The following NHS variants were observed in gnomAD, a reference collection of about 807,000 sequenced individuals.
The protein encoded by NHS is actin remodeling regulator NHS.
In NHS, 5 loss-of-function variants were observed where a neutral mutation model predicts 72.5. The ratio of observed to expected loss-of-function variants is 0.07; its 90% CI spans 0.04 to 0.14. The LOEUF (loss-of-function observed/expected upper bound fraction) is 0.14. NHS is among the 10% of genes least tolerant of loss of function. The pLI is 1.00. For missense variants in NHS, 1,072 were observed against 1,355.7 expected (o/e 0.79, Z 3.29); for synonymous variants, 464 against 547.7 (o/e 0.85, Z 2.13).
In NHS at chrX:17,387,048, C is replaced by T. The variant is rs150876711; in HGVS notation, c.565+10726C>T. On this transcript the variant is annotated intron_variant, in intron 1 of 8. Transcript: ENST00000676302. ...ATCTTCGATAAAATTATTGTTCAGA[C>T]GGATTCAAGGCCAGAGCCCACTGGC... 7.1e-5 allele frequency among the ~76,000 whole-genome samples: 8 copies of T among 112,320 alleles called. No individual in the cohort carries two copies. In the East Asian group the frequency reaches 1.1e-3, roughly 16 times the overall value.
intron 1 of NHS, among the ~76,000 whole-genome samples, chrX:17,562,464 A>G (rs891785240): frequency 4.5e-5 from 5 of 111,696 alleles, no homozygotes; most frequent in Non-Finnish European, 9.4e-5. Context: ...TTCATCAGTT[A>G]TGGGAAAAAG....
chrX:17,386,551 A>G, intron 1 of NHS, among the ~76,000 whole-genome samples: 1 of 108,794 alleles, frequency 9.2e-6, no homozygotes, highest in South Asian at 4.1e-4. Context: ...AATCCCGGCT[A>G]CTTGGGAGGC....
chrX:17,448,061 G>A (rs958539697), intron 1 of NHS, among the ~76,000 whole-genome samples: 1 of 111,154 alleles, frequency 9.0e-6, no homozygotes, highest in Non-Finnish European at 1.9e-5. Context: ...GCTTCCTTCT[G>A]ACCCTTTTAT....
intron 1 of NHS, among the ~76,000 whole-genome samples, chrX:17,466,836 T>C (rs190546419): frequency 1.8e-5 from 2 of 111,894 alleles, no homozygotes; most frequent in East Asian, 5.6e-4. Flanking sequence ...TTTGATCCCG[T>C]GATGTGAGAA....
chrX:17,623,425 C>T (rs17273802), intron 1 of NHS, among the ~76,000 whole-genome samples: 27,374 of 110,842 alleles, frequency 0.25, 6,227 homozygotes, highest in African/African-American at 0.71. Context: ...TGCTAGACAG[C>T]GAATGAAGCC....
At chrX:17,695,949 G>T (rs887751584) in intron 3 of NHS, among the ~76,000 whole-genome samples, 6 of 108,237 alleles carry the variant, frequency 5.5e-5, no homozygotes, top group Non-Finnish European at 9.6e-5. Flanking sequence ...AAAAGGGGGG[G>T]GGTATCTATT....
intron 5 of NHS, among the ~76,000 whole-genome samples, chrX:17,723,204 G>A (rs926530007): frequency 3.6e-5 from 4 of 111,971 alleles, no homozygotes; most frequent in African/African-American, 6.5e-5. Context: ...GCACTGTGAC[G>A]TTAAACAGAA....
In NHS at chrX:17,734,938, A is replaced by G. The variant is rs1260656940; in HGVS notation, c.*2474A>G. On this transcript the variant is annotated 3_prime_UTR_variant, in exon 9 of 9. Coordinates refer to ENST00000676302, the MANE Select transcript of NHS (RefSeq NM_001291867.2). ...TTAAAAGTGATTCTAAATCTTGAAT[A>G]GAAAACACATGAATTGGCTTTAATA... The G allele has an allele frequency of 8.9e-6, 1 of 112,287 alleles. No homozygotes were observed. Among genetic ancestry groups the G allele is most frequent in the Non-Finnish European group, 1.9e-5 (1 of 53,238 alleles). 9.3% of individuals were successfully genotyped at this position (112,287 alleles called of 1,213,427 possible).
chrX:17,424,054 G>A (rs1340947867), intron 1 of NHS, among the ~76,000 whole-genome samples: 3 of 112,397 alleles, frequency 2.7e-5, no homozygotes, highest in African/African-American at 9.7e-5. Flanking sequence ...AAGTTCTGGT[G>A]GTTATCCAAG....
At chrX:17,484,167 G>T (rs1454299103) in intron 1 of NHS, among the ~76,000 whole-genome samples, 1 of 112,293 alleles carries the variant, frequency 8.9e-6, no homozygotes. Flanking sequence ...TATTTTAAAA[G>T]CCAGTTGTTT....
chrX:17,575,372 C>A (rs2065504956), intron 1 of NHS, among the ~76,000 whole-genome samples: 1 of 111,348 alleles, frequency 9.0e-6, no homozygotes, highest in Admixed American at 9.4e-5. Flanking sequence ...TTTTAAAATA[C>A]ATCACCAGTT....
intron 1 of NHS, among the ~76,000 whole-genome samples, chrX:17,476,425 T>A (rs1265816268): frequency 9.0e-6 from 1 of 111,630 alleles, no homozygotes; most frequent in Non-Finnish European, 1.9e-5. Context: ...GAATTAGATG[T>A]CTTGTGTTGA....
chrX:17,400,114 A>G (rs1196019965), intron 1 of NHS, among the ~76,000 whole-genome samples: 2 of 111,975 alleles, frequency 1.8e-5, no homozygotes, highest in Non-Finnish European at 3.8e-5. Context: ...GGAAAAGCAG[A>G]AGTAAAAGCA....
At chrX:17,605,002 G>A (rs2065672065) in intron 1 of NHS, among the ~76,000 whole-genome samples, 1 of 111,865 alleles carries the variant, frequency 8.9e-6, no homozygotes, top group South Asian at 3.8e-4. Flanking sequence ...ACTTGAGAAA[G>A]ATGAAGGCAT....
intron 1 of NHS, among the ~76,000 whole-genome samples, chrX:17,551,876 T>G (rs753536150): frequency 3.1e-4 from 35 of 111,712 alleles, no homozygotes; most frequent in Non-Finnish European, 5.7e-5. Flanking sequence ...CAATGCAGGG[T>G]GCTCCAAACA....
chrX:17,723,768 T>TGTGTGTGC (rs1556037799), intron 5 of NHS, among the ~76,000 whole-genome samples: 1 of 93,981 alleles, frequency 1.1e-5, no homozygotes, highest in African/African-American at 4.9e-5. Context: ...TGTGTGTGTG[T>TGTGTGTGC]GTGCGCGCGC....
At chrX:17,607,129 C>T (rs953010683) in intron 1 of NHS, among the ~76,000 whole-genome samples, 3 of 110,854 alleles carry the variant, frequency 2.7e-5, no homozygotes, top group African/African-American at 6.6e-5. Flanking sequence ...TCTTGTCCAG[C>T]CTCAGGGAGT....
intron 1 of NHS, among the ~76,000 whole-genome samples, chrX:17,454,824 T>C: frequency 8.9e-6 from 1 of 112,169 alleles, no homozygotes; most frequent in South Asian, 3.7e-4. Context: ...AATTTCTTCT[T>C]GCTGTCTTTC....
At chrX:17,458,519 G>A (rs750580365) in intron 1 of NHS, among the ~76,000 whole-genome samples, 3 of 110,864 alleles carry the variant, frequency 2.7e-5, no homozygotes, top group Non-Finnish European at 5.7e-5. Context: ...GCGAGAGGGA[G>A]TCTCACTCTG....
Sources: gnomAD v4.1 joint callset for allele counts (sites outside exome capture counted in the v4.1 genomes callset) on GRCh38, gnomAD v4.1.1 for gene constraint, MANE v1.5 for transcripts, NCBI Gene and HGNC (gene_info 2026-07-23, HGNC 2026-07-21) for gene names.